COL5A1: variants seen among roughly 807,000 people sequenced by gnomAD.
COL5A1 encodes the protein collagen alpha-1(V) chain.
A neutral mutation model predicts 263.7 loss-of-function variants in COL5A1; 16 were observed. The ratio of observed to expected loss-of-function variants is 0.06; its 90% CI spans 0.04 to 0.09. The LOEUF is 0.09. Among genes scored for constraint, COL5A1 ranks in the 10% least tolerant of loss-of-function variants. COL5A1 has a pLI of 1.00. For synonymous variants in COL5A1, 1,012 were observed against 1,004.5 expected, an observed-to-expected ratio of 1.01 and a Z score of -0.14; for missense variants, 2,036 against 2,540.5, an observed-to-expected ratio of 0.80 and a Z score of 4.27.
In COL5A1 at chr9:134,686,263, C is replaced by CT. The variant is rs1207957857; in HGVS notation, c.110-4642dup. Among the ~76,000 whole-genome samples the CT allele has an allele frequency of 1.3e-5, 2 of 151,858 alleles. No individual in the cohort carries two copies. The highest frequency in any genetic ancestry group is 2.9e-5 in the Non-Finnish European group (2 of 67,980). On this transcript the variant is annotated intron_variant, in intron 1 of 65. Coordinates refer to ENST00000371817, the MANE Select transcript of COL5A1 (RefSeq NM_000093.5). This position sits in a 1 kb window ranked among gnomAD's most constrained non-coding sequence, Gnocchi z 4.6. ...CTCCTTTTTCTTCTTCTTTCTCTTC[C>CT]TTTTTTTCGAGACCAGGTTATGCTC...
At position 134,842,312 on chromosome 9, in the gene COL5A1, G is replaced by C. The variant is rs370488974; in HGVS notation, c.*9G>C. The C allele has an allele frequency of 6.2e-7, 1 of 1,613,986 alleles. No individual in the cohort carries two copies. The highest frequency in any genetic ancestry group is 8.5e-7 in the Non-Finnish European group (1 of 1,179,968). On this transcript the variant is annotated 3_prime_UTR_variant, in exon 66 of 66. Transcript: ENST00000371817. The surrounding 1 kb of genome is among the most constrained non-coding windows in gnomAD (Gnocchi z 5.8). ...CTTGCTTCATGGGCTAGGAGCCGCC[G>C]AGCCCGGGCTCCCGAGAGCAACCTC...
intron 7 of COL5A1, among the ~76,000 whole-genome samples, chr9:134,731,180 A>C (rs1834866474): frequency 6.6e-6 from 1 of 152,182 alleles, no homozygotes. Flanking sequence ...CTGCGTCTGC[A>C]GCACCGCCCT....
chr9:134,744,609 CTGCACACACACTCA>C (rs935142750), intron 11 of COL5A1, among the ~76,000 whole-genome samples: 5 of 147,768 alleles, frequency 3.4e-5, no homozygotes, highest in Non-Finnish European at 7.5e-5. Flanking sequence ...TCACCCACAC[CTGCACACACACTCA>C]TGCACACACT....
chr9:134,650,757 T>C (rs1831652059), intron 1 of COL5A1, among the ~76,000 whole-genome samples: 1 of 152,268 alleles, frequency 6.6e-6, no homozygotes, highest in Non-Finnish European at 1.5e-5. Context: ...GTGCATGTTC[T>C]TCCTCTGGCT....
At position 134,755,582 on chromosome 9, in the gene COL5A1, G is replaced by A. The variant is rs1015274132; in HGVS notation, c.1828-1183G>A. On this transcript the variant is annotated intron_variant, in intron 16 of 65. Coordinates refer to ENST00000371817, the MANE Select transcript of COL5A1 (RefSeq NM_000093.5). This position sits in a 1 kb window ranked among gnomAD's most constrained non-coding sequence, Gnocchi z 4.1. ...CTAGCATTTCCTGCAAGGAACGCTC[G>A]CTTGTGAATTGTAGAAGCATCTGGG... Among the ~76,000 whole-genome samples the A allele has an allele frequency of 2.0e-5, 3 of 152,232 alleles. No individual in the cohort carries two copies. The highest frequency in any genetic ancestry group is 2.1e-4 in the South Asian group (1 of 4,828).
chr9:134,765,768 C>T lies in COL5A1; in HGVS notation c.2088+34C>T, dbSNP rs377360106. The T allele has an allele frequency of 3.1e-5, 50 of 1,593,088 alleles. No homozygotes were observed. The African/African-American group carries it at 4.4e-4, about 14-fold the overall frequency. On this transcript the variant is annotated intron_variant, in intron 21 of 65. Transcript: ENST00000371817. The surrounding 1 kb of genome is among the most constrained non-coding windows in gnomAD (Gnocchi z 5.1). The stretch of plus-strand genomic sequence containing the variant: ...CATTACCGCCCTGCTTGTCTGCCCC[C>T]ATCTCGGCCTTTGAGACCCCGCCTC...
intron 1 of COL5A1, among the ~76,000 whole-genome samples, chr9:134,662,513 C>T (rs879743784): frequency 2.6e-4 from 39 of 152,364 alleles, no homozygotes; most frequent in Non-Finnish European, 5.6e-4. Context: ...TACGTAGATG[C>T]CCAGTGCTGC....
chr9:134,658,223 C>A (rs1214446189), intron 1 of COL5A1, among the ~76,000 whole-genome samples: 6 of 152,100 alleles, frequency 3.9e-5, no homozygotes, highest in Non-Finnish European at 2.9e-5. Context: ...GCAGCTCGCC[C>A]CTCTGTGAGC....
Position 134,748,577 on chromosome 9 carries a change from C to T in COL5A1, c.1495-1965C>T, listed in dbSNP as rs943123963. 4.6e-5 allele frequency among the ~76,000 whole-genome samples: 7 copies of T among 152,206 alleles called. No individual in the cohort carries two copies. In the South Asian group the frequency reaches 6.2e-4, roughly 13 times the overall value. ...TTGTATGTCAATGACAAAACCTGGG[C>T]GGCAAACATGTTTTGGATCTTTATT... is the stretch of plus-strand genomic sequence containing the variant. On this transcript the variant is annotated intron_variant, in intron 11 of 65. Transcript: ENST00000371817.
chr9:134,735,864 C>A (rs1218377337), intron 9 of COL5A1, among the ~76,000 whole-genome samples: 1 of 152,270 alleles, frequency 6.6e-6, no homozygotes. Flanking sequence ...CAGTGCAGAG[C>A]TCCCCAGCTG....
At position 134,645,204 on chromosome 9, in the gene COL5A1, G is replaced by A. The variant is rs184763192; in HGVS notation, c.109+2908G>A. ...GATGTTACTCCTGGGCTGCTCCTGC[G>A]GGGCTGGCCAGAGCCTGCTCTTCAC... On this transcript the variant is annotated intron_variant, in intron 1 of 65. Transcript: ENST00000371817. Among the ~76,000 whole-genome samples, 176 of 152,286 alleles carry A rather than the reference G, an allele frequency of 1.2e-3. 1 individual carries two copies. The highest frequency in any genetic ancestry group is 4.1e-3 in the African/African-American group (172 of 41,554).
At chr9:134,788,660 G>T (rs534860512) in intron 31 of COL5A1, among the ~76,000 whole-genome samples, 1 of 151,528 alleles carries the variant, frequency 6.6e-6, no homozygotes. Context: ...CAGATAGATG[G>T]ATAGACAGAT....
At chr9:134,688,565 A>C (rs114052225) in intron 1 of COL5A1, among the ~76,000 whole-genome samples, 1,878 of 152,244 alleles carry the variant, frequency 0.012, 32 homozygotes, top group African/African-American at 0.042. Context: ...GGTGCCATAC[A>C]TGCCCGAGGG....
chr9:134,709,255 T>G (rs2132591552), intron 4 of COL5A1: 1 of 299,946 alleles, frequency 3.3e-6, no homozygotes, highest in Non-Finnish European at 6.4e-6. Flanking sequence ...CATGCATATT[T>G]GGGGCCTCTA....
Position 134,696,986 on chromosome 9 carries a change from G to C in COL5A1, c.278-2923G>C, listed in dbSNP as rs1476527011. Reference sequence around the variant, plus strand: ...CTCGGGAGGCTGAGGCAGGAGAATGGCGTGAACCCGGGAGGCGGAGCTTGC... The same window carrying C: ...CTCGGGAGGCTGAGGCAGGAGAATGCCGTGAACCCGGGAGGCGGAGCTTGC... On this transcript the variant is annotated intron_variant, in intron 2 of 65. Transcript: ENST00000371817. This position sits in a 1 kb window ranked among gnomAD's most constrained non-coding sequence, Gnocchi z 4.3. 1.3e-5 allele frequency among the ~76,000 whole-genome samples: 2 copies of C among 152,074 alleles called. No individual in the cohort carries two copies. The highest frequency in any genetic ancestry group is 2.9e-5 in the Non-Finnish European group (2 of 68,010).
chr9:134,798,577 G>A lies in COL5A1; in HGVS notation c.2952+116G>A, dbSNP rs1167613545. 2.7e-5 allele frequency: 8 copies of A among 295,360 alleles called. No individual in the cohort carries two copies. In the Admixed American group the frequency reaches 3.7e-4, roughly 14 times the overall value. 18.3% of individuals were successfully genotyped at this position (295,360 alleles called of 1,614,324 possible). A position where few individuals can be genotyped will look rare whatever the true frequency, so the allele number is the denominator to read the frequency against. On this transcript the variant is annotated intron_variant, in intron 37 of 65. Coordinates refer to ENST00000371817, the MANE Select transcript of COL5A1 (RefSeq NM_000093.5). Reference sequence around the variant, plus strand: ...GACCCTCCTGGCCTGGGAGAGACAGGTTGGCCTCAGAAAGGCTCCCAAGGG... The same window carrying A: ...GACCCTCCTGGCCTGGGAGAGACAGATTGGCCTCAGAAAGGCTCCCAAGGG...
Position 134,818,639 on chromosome 9 carries a change from C to A in COL5A1, c.4231-17C>A. On this transcript the variant is annotated splice_polypyrimidine_tract_variant and intron_variant, in intron 54 of 65. Coordinates refer to ENST00000371817, the MANE Select transcript of COL5A1 (RefSeq NM_000093.5). The surrounding 1 kb of genome is among the most constrained non-coding windows in gnomAD (Gnocchi z 6.0). ...CCTAGAGCTCCGGACCTCATTCTGC[C>A]CTCCGCCGTCCTGCAGGGAGAAGCC... The A allele has an allele frequency of 6.3e-7, 1 of 1,590,222 alleles. No individual in the cohort carries two copies. The highest frequency in any genetic ancestry group is 8.6e-7 in the Non-Finnish European group (1 of 1,164,894).
At chr9:134,649,935 A>G (rs1831613069) in intron 1 of COL5A1, among the ~76,000 whole-genome samples, 1 of 152,062 alleles carries the variant, frequency 6.6e-6, no homozygotes, top group South Asian at 2.1e-4. Context: ...ACACAAGAAC[A>G]GAAAACCACA....
At chr9:134,815,438 G>A in intron 50 of COL5A1, 138 bp from the exon 51 acceptor site, 1 of 862,010 alleles carries the variant, frequency 1.2e-6, no homozygotes, top group Non-Finnish European at 1.9e-6. Context: ...AAAGTGCACT[G>A]GGTTGTCGGA....
Sources: gnomAD v4.1 joint callset for allele counts (sites outside exome capture counted in the v4.1 genomes callset) on GRCh38, gnomAD v4.1.1 for gene constraint, Gnocchi (gnomAD v3.1) non-coding constraint, MANE v1.5 for transcripts, NCBI Gene and HGNC (gene_info 2026-07-23, HGNC 2026-07-21) for gene names.